Variants in NAA15 observed in about 807,000 individuals in gnomAD.
NAA15 encodes N-terminal acetyltransferase.
NAA15 carries 34 observed loss-of-function variants against 114.0 expected under a neutral mutation model. The ratio of observed to expected loss-of-function variants is 0.30; its 90% CI spans 0.23 to 0.40. The LOEUF is 0.40. Ranked by LOEUF, NAA15 falls within the 10% of genes least tolerant of loss-of-function variation. NAA15 has a pLI of 1.00. For missense variants in NAA15, 658 were observed against 1,004.5 expected, an observed-to-expected ratio of 0.66 and a Z score of 4.66; for synonymous variants, 340 against 338.0, an observed-to-expected ratio of 1.01 and a Z score of -0.06.
chr4:139,347,445 A>G (rs1747622227), intron 6 of NAA15, among the ~76,000 whole-genome samples: 1 of 151,934 alleles, frequency 6.6e-6, no homozygotes, highest in Admixed American at 6.6e-5. Flanking sequence ...CAGCCTGGGC[A>G]ACATAAGGAA....
intron 1 of NAA15, among the ~76,000 whole-genome samples, chr4:139,316,451 T>C (rs1178998477): frequency 6.6e-6 from 1 of 151,964 alleles, no homozygotes; most frequent in Admixed American, 6.6e-5. Context: ...AGTTTGTTCA[T>C]GTTTTACAAG....
chr4:139,341,392 G>A (rs933789758), intron 4 of NAA15, among the ~76,000 whole-genome samples: 9 of 151,350 alleles, frequency 5.9e-5, no homozygotes, highest in Non-Finnish European at 1.2e-4. Context: ...TCAGGAGATC[G>A]AGACCATCCT....
At chr4:139,348,234 A>G (rs1350806582) in intron 6 of NAA15, among the ~76,000 whole-genome samples, 3 of 152,072 alleles carry the variant, frequency 2.0e-5, no homozygotes, top group Admixed American at 6.6e-5. Context: ...TGGGTGGATC[A>G]CTTGAGTCTA....
At chr4:139,366,071 G>A in intron 14 of NAA15, among the ~76,000 whole-genome samples, 1 of 151,738 alleles carries the variant, frequency 6.6e-6, no homozygotes, top group South Asian at 2.1e-4. Flanking sequence ...TCTTCACTAG[G>A]AGAAAGATAA....
intron 1 of NAA15, among the ~76,000 whole-genome samples, chr4:139,327,176 A>G (rs1746830408): frequency 2.0e-5 from 3 of 152,234 alleles, no homozygotes; most frequent in East Asian, 3.9e-4. Context: ...GGCTCAAGCA[A>G]TCCTCCTACC....
chr4:139,338,502 C>T (rs1423110384), intron 3 of NAA15, among the ~76,000 whole-genome samples: 2 of 152,016 alleles, frequency 1.3e-5, no homozygotes, highest in East Asian at 3.9e-4. Flanking sequence ...GGCTGGAGTG[C>T]AATGGCACGA....
intron 14 of NAA15, among the ~76,000 whole-genome samples, chr4:139,363,877 G>A (rs1748204293): frequency 6.6e-6 from 1 of 152,122 alleles, no homozygotes. Flanking sequence ...TATTTTATTT[G>A]TTTGTTTGTT....
At chr4:139,305,987 C>A (rs1354394076) in intron 1 of NAA15, among the ~76,000 whole-genome samples, 1 of 152,162 alleles carries the variant, frequency 6.6e-6, no homozygotes, top group Admixed American at 6.5e-5. Flanking sequence ...TTAATGGAAA[C>A]CTGCTTTACA....
chr4:139,304,410 C>T (rs1040437730), intron 1 of NAA15, among the ~76,000 whole-genome samples: 4 of 152,204 alleles, frequency 2.6e-5, no homozygotes, highest in Non-Finnish European at 5.9e-5. Context: ...TACTTGTACA[C>T]GCGTGTGAGT....
chr4:139,362,162 T>C (rs958841828), intron 14 of NAA15, among the ~76,000 whole-genome samples: 5 of 152,280 alleles, frequency 3.3e-5, no homozygotes, highest in Admixed American at 6.5e-5. Flanking sequence ...TTGCATGTTA[T>C]GAGTTTTACA....
At chr4:139,305,951 A>G (rs767446504) in intron 1 of NAA15, among the ~76,000 whole-genome samples, 41 of 152,164 alleles carry the variant, frequency 2.7e-4, no homozygotes, top group Non-Finnish European at 5.6e-4. Flanking sequence ...TTGTATTTCA[A>G]AATAAACATT....
chr4:139,321,903 T>G (rs1746631626), intron 1 of NAA15, among the ~76,000 whole-genome samples: 1 of 152,268 alleles, frequency 6.6e-6, no homozygotes, highest in South Asian at 2.1e-4. Context: ...CTGACTCTTT[T>G]TTTATTGATT....
chr4:139,380,442 A>G (rs960319875), intron 17 of NAA15, among the ~76,000 whole-genome samples: 1 of 152,230 alleles, frequency 6.6e-6, no homozygotes, highest in African/African-American at 2.4e-5. Flanking sequence ...TAGTAAAATA[A>G]CCTAAATCCT....
chr4:139,332,572 G>GGT (rs1747051837), intron 1 of NAA15, among the ~76,000 whole-genome samples: 1 of 62,012 alleles, frequency 1.6e-5, no homozygotes, highest in Non-Finnish European at 2.9e-5. Context: ...TGGTTTGTAT[G>GGT]TTTTTTTTTT....
At chr4:139,327,345 G>A (rs1746836123) in intron 1 of NAA15, among the ~76,000 whole-genome samples, 1 of 152,116 alleles carries the variant, frequency 6.6e-6, no homozygotes, top group African/African-American at 2.4e-5. Flanking sequence ...CGTTTCCCGG[G>A]TTCAAGTGAT....
At chr4:139,315,051 G>GTTTAGTTTAGT (rs56861357) in intron 1 of NAA15, among the ~76,000 whole-genome samples, 17 of 112,450 alleles carry the variant, frequency 1.5e-4, no homozygotes, top group African/African-American at 5.8e-4. Flanking sequence ...GTTAGGTTAG[G>GTTTAGTTTAGT]TTAGTTTAGT....
In NAA15 at chr4:139,389,871, A is replaced by G. The variant is rs183033435; in HGVS notation, c.*1787A>G. ...CTAACAGTTTAGTAGTGATGTAAAG[A>G]GAAGTACAAACCGAACTCCAGTGCT... is the stretch of plus-strand genomic sequence containing the variant. On this transcript the variant is annotated 3_prime_UTR_variant, in exon 20 of 20. Coordinates refer to ENST00000296543, the MANE Select transcript of NAA15 (RefSeq NM_057175.5). 1 of 152,750 alleles carries G rather than the reference A, an allele frequency of 6.5e-6. No homozygotes were observed. The allele number at this position is 152,750 out of a possible 1,614,324, so 9.5% of individuals were successfully genotyped here. A position where few individuals can be genotyped will look rare whatever the true frequency, so the allele number is the denominator to read the frequency against.
At chr4:139,369,405 G>C (rs1039957095) in intron 14 of NAA15, among the ~76,000 whole-genome samples, 25 of 152,180 alleles carry the variant, frequency 1.6e-4, no homozygotes, top group Non-Finnish European at 2.4e-4. Flanking sequence ...AAAGTTTTCT[G>C]AAGTGGTTCC....
chr4:139,359,381 C>T (rs910284364), intron 11 of NAA15, among the ~76,000 whole-genome samples: 20 of 152,076 alleles, frequency 1.3e-4, no homozygotes, highest in African/African-American at 4.8e-4. Flanking sequence ...CCCGGCTCGG[C>T]CTCCCAAAGT....
Sources: allele counts gnomAD v4.1 joint callset (sites outside exome capture counted in the v4.1 genomes callset), GRCh38; gene constraint gnomAD v4.1.1; transcripts MANE v1.5; gene names NCBI Gene and HGNC (gene_info 2026-07-23, HGNC 2026-07-21).